GPSM1: variants seen among roughly 807,000 people sequenced by gnomAD.
The protein encoded by GPSM1 is G protein-signaling modulator 1.
A neutral mutation model predicts 70.5 loss-of-function variants in GPSM1; 48 were observed. That is an observed-to-expected ratio of 0.68 (90% CI 0.54 to 0.87). GPSM1 has a LOEUF of 0.87. GPSM1 is among the 40% of genes least tolerant of loss of function. GPSM1 has a pLI of 0.00. For synonymous variants in GPSM1, 416 were observed against 430.1 expected (o/e 0.97, Z 0.41); for missense variants, 981 against 972.6 (o/e 1.01, Z -0.11).
At chr9:136,345,605 C>T (rs930483966) in intron 9 of GPSM1, among the ~76,000 whole-genome samples, 3 of 152,322 alleles carry the variant, frequency 2.0e-5, no homozygotes, top group South Asian at 2.1e-4. Context: ...GCAGCTGTGC[C>T]GGGCCCAGGA....
intron 5 of GPSM1, 88 bp downstream of exon 5, chr9:136,337,652 G>C (rs1832277984): frequency 7.5e-7 from 1 of 1,331,152 alleles, no homozygotes; most frequent in Non-Finnish European, 1.1e-6. Flanking sequence ...TGAAAGGGCA[G>C]GGTGGTATGG....
chr9:136,348,620 C>A (rs1832582331), intron 9 of GPSM1, 77 bp from the exon 10 acceptor site: 4 of 1,138,466 alleles, frequency 3.5e-6, no homozygotes, highest in Non-Finnish European at 5.1e-6. Flanking sequence ...TCCTTGGCCC[C>A]CCAGAGACTC....
intron 12 of GPSM1, 143 bp downstream of exon 12, chr9:136,355,989 C>T (rs1832808815): frequency 1.5e-6 from 1 of 666,666 alleles, no homozygotes; most frequent in Admixed American, 2.9e-5. Flanking sequence ...AGGGCGCCCT[C>T]CGCAGCCCCC....
At chr9:136,347,450 GGGA>G (rs1832549806) in intron 9 of GPSM1, among the ~76,000 whole-genome samples, 1 of 152,156 alleles carries the variant, frequency 6.6e-6, no homozygotes, top group Non-Finnish European at 1.5e-5. Flanking sequence ...TGGGTGAGCA[GGGA>G]GGAGGATGAG....
At position 136,352,291 on chromosome 9, in the gene GPSM1, CGCCGTTGCTGTTGGTG is replaced by C. The variant is rs1554772286; in HGVS notation, c.1455+2529_1455+2544del. On this transcript the variant is annotated intron_variant, in intron 11 of 13. Coordinates refer to ENST00000440944, the MANE Select transcript of GPSM1 (RefSeq NM_001145638.3). Reference sequence around the variant, plus strand: ...GTTGCTGTTGGTGACACCGATGCTGCGCCGTTGCTGTTGGTGACACCGATGCTGCGCCGTTGCTGTT... The same window carrying C: ...GTTGCTGTTGGTGACACCGATGCTGCACACCGATGCTGCGCCGTTGCTGTT... 1.8e-4 allele frequency among the ~76,000 whole-genome samples: 26 copies of C among 145,860 alleles called. 2 individuals carry two copies. The highest frequency in any genetic ancestry group is 3.8e-4 in the Non-Finnish European group (25 of 65,770).
chr9:136,358,277 A>G lies in GPSM1; in HGVS notation c.*57A>G. On this transcript the variant is annotated 3_prime_UTR_variant, in exon 14 of 14. Coordinates refer to ENST00000440944, the MANE Select transcript of GPSM1 (RefSeq NM_001145638.3). The stretch of plus-strand genomic sequence containing the variant: ...CCCCACTCCTGGACGCCGGTCTCAC[A>G]GTCACAGCCACGTCCTCCCGAGGCC... 7.1e-7 allele frequency: 1 copy of G among 1,406,224 alleles called. No homozygotes were observed. Among genetic ancestry groups the G allele is most frequent in the Non-Finnish European group, 9.7e-7 (1 of 1,033,212 alleles). 87.1% of individuals were successfully genotyped at this position (1,406,224 alleles called of 1,614,324 possible). A position where few individuals can be genotyped will look rare whatever the true frequency, so the allele number is the denominator to read the frequency against.
At position 136,341,320 on chromosome 9, in the gene GPSM1, A is replaced by T; in HGVS notation, c.1207+327A>T. 6.9e-7 allele frequency: 1 copy of T among 1,442,114 alleles called. No homozygotes were observed. The highest frequency in any genetic ancestry group is 2.8e-5 in the Admixed American group (1 of 35,800). The allele number at this position is 1,442,114 out of a possible 1,614,324, so 89.3% of individuals were successfully genotyped here. A position where few individuals can be genotyped will look rare whatever the true frequency, so the allele number is the denominator to read the frequency against. On this transcript the variant is annotated intron_variant, in intron 9 of 13. Transcript: ENST00000440944. This position sits in a 1 kb window ranked among gnomAD's most constrained non-coding sequence, Gnocchi z 6.7. ...GTGCAGGGAGGGCTTCTGTCCTCAGACCCAAGTAGGAGAGGGCTGCTGGGA... is the reference window on the plus strand; with the variant it reads ...GTGCAGGGAGGGCTTCTGTCCTCAGTCCCAAGTAGGAGAGGGCTGCTGGGA...
intron 6 of GPSM1, among the ~76,000 whole-genome samples, chr9:136,338,224 G>A (rs542173976): frequency 4.6e-5 from 7 of 152,338 alleles, no homozygotes; most frequent in East Asian, 1.9e-4. Flanking sequence ...GGTGGAGCCC[G>A]GCTGTCAGCA....
Position 136,341,028 on chromosome 9 carries a change from C to G in GPSM1, c.1207+35C>G. 1 of 1,562,596 alleles carries G rather than the reference C, an allele frequency of 6.4e-7. No homozygotes were observed. On this transcript the variant is annotated intron_variant, in intron 9 of 13. Coordinates refer to ENST00000440944, the MANE Select transcript of GPSM1 (RefSeq NM_001145638.3). The surrounding 1 kb of genome is among the most constrained non-coding windows in gnomAD (Gnocchi z 6.7). Reference sequence around the variant, plus strand: ...AGGGTTGTGGGGGGGTCTTGCTCCCCACAGGCACGGACCGCATCAGGAGCT... The same window carrying G: ...AGGGTTGTGGGGGGGTCTTGCTCCCGACAGGCACGGACCGCATCAGGAGCT...
rs1027582674 is a variant in GPSM1, at chr9:136,359,392, T to C, written c.*1172T>C. ...AGAGGCAGATCTGGGCCTGGTGAGG[T>C]GACCTGCTTCTGGAGGGGCAGGGCC... is the stretch of plus-strand genomic sequence containing the variant. On this transcript the variant is annotated 3_prime_UTR_variant, in exon 14 of 14. Coordinates refer to ENST00000440944, the MANE Select transcript of GPSM1 (RefSeq NM_001145638.3). The C allele has an allele frequency of 2.0e-5, 3 of 152,188 alleles. No homozygotes were observed. Among genetic ancestry groups the C allele is most frequent in the East Asian group, 3.9e-4 (2 of 5,188 alleles). 9.4% of individuals were successfully genotyped at this position (152,188 alleles called of 1,614,324 possible).
intron 13 of GPSM1, 141 bp from the exon 14 acceptor site, chr9:136,357,873 A>G: frequency 1.6e-6 from 1 of 638,080 alleles, no homozygotes; most frequent in Non-Finnish European, 2.7e-6. Flanking sequence ...AGAGCGAGGC[A>G]GGCCCCAGAA....
intron 1 of GPSM1, among the ~76,000 whole-genome samples, chr9:136,332,418 C>T (rs940945031): frequency 5.5e-4 from 83 of 152,242 alleles, no homozygotes; most frequent in Non-Finnish European, 2.4e-4. Context: ...GCCACGTCTC[C>T]GGCTGGAAGG....
At chr9:136,348,487 C>T (rs1832578820) in intron 9 of GPSM1, among the ~76,000 whole-genome samples, 2 of 152,224 alleles carry the variant, frequency 1.3e-5, no homozygotes, top group Non-Finnish European at 2.9e-5. Context: ...CCAGGACGCG[C>T]TCTGTCTCGA....
intron 9 of GPSM1, among the ~76,000 whole-genome samples, chr9:136,344,229 A>G (rs1432935172): frequency 1.7e-4 from 22 of 133,252 alleles, no homozygotes; most frequent in Non-Finnish European, 2.6e-4. Context: ...GCGCGGACAG[A>G]AGCGGGGTGG....
At position 136,332,102 on chromosome 9, in the gene GPSM1, G is replaced by A. The variant is rs1236816385; in HGVS notation, c.69-2345G>A. 25 of 399,242 alleles carry A rather than the reference G, an allele frequency of 6.3e-5. No homozygotes were observed. In the Admixed American group the frequency reaches 7.0e-4, roughly 11 times the overall value. The allele number at this position is 399,242 out of a possible 1,614,324, so 24.7% of individuals were successfully genotyped here. Reference sequence around the variant, plus strand: ...TGTATGGCGCCCCCCGCCCCCGCCCGCTGCTGCTGCCCGTGGGCCTGGAGC... The same window carrying A: ...TGTATGGCGCCCCCCGCCCCCGCCCACTGCTGCTGCCCGTGGGCCTGGAGC... On this transcript the variant is annotated intron_variant, in intron 1 of 13. Transcript: ENST00000440944.
Position 136,339,787 on chromosome 9 carries a change from C to T in GPSM1, c.1055C>T (p.Ala352Val). 2 of 1,548,846 alleles carry T rather than the reference C, an allele frequency of 1.3e-6. No homozygotes were observed. The highest frequency in any genetic ancestry group is 1.7e-6 in the Non-Finnish European group (2 of 1,145,576). The part of the protein sequence containing the change: ...MGRPAQALTF[A>V]KKHLQISQEI... ...CGCCCAGCGCAGGCCCTGACCTTCG[C>T]CAAGAAGCACCTGCAGATCTCCCAG... Residue 352 changes from alanine (A) to valine (V), a missense_variant, in exon 8 of 14, where the codon GCC becomes GTC. Ala to Val is a moderately conservative substitution (Grantham distance 64, BLOSUM62 0). Transcript: ENST00000440944.
chr9:136,330,624 G>A (rs1236641774), intron 1 of GPSM1, among the ~76,000 whole-genome samples: 1 of 152,230 alleles, frequency 6.6e-6, no homozygotes, highest in Non-Finnish European at 1.5e-5. Context: ...GCTGGGGGAT[G>A]GGGCAGATAG....
At chr9:136,328,080 C>G (rs1295886269) in intron 1 of GPSM1, among the ~76,000 whole-genome samples, 2 of 152,178 alleles carry the variant, frequency 1.3e-5, no homozygotes, top group Non-Finnish European at 2.9e-5. Flanking sequence ...CAAGCCTGGC[C>G]CTGCCATGCC....
chr9:136,331,235 C>T (rs868988652), intron 1 of GPSM1, among the ~76,000 whole-genome samples: 2 of 152,118 alleles, frequency 1.3e-5, no homozygotes, highest in Non-Finnish European at 2.9e-5. Context: ...ACCTGGGGAG[C>T]GGCATCCCCC....
Sources: allele counts gnomAD v4.1 joint callset (sites outside exome capture counted in the v4.1 genomes callset), GRCh38; gene constraint gnomAD v4.1.1; non-coding constraint Gnocchi (gnomAD v3.1); transcripts MANE v1.5; gene names NCBI Gene and HGNC (gene_info 2026-07-23, HGNC 2026-07-21).